METTL22: variants seen among roughly 807,000 people sequenced by gnomAD.
METTL22 encodes methyltransferase-like protein 22.
Under a neutral mutation model 48.4 loss-of-function variants are expected in METTL22, and 51 were observed. The observed-to-expected ratio is 1.05, with a 90% CI of 0.84 to 1.33. The LOEUF is 1.33. METTL22 is among the 40% of genes most tolerant of loss of function. METTL22 has a pLI of 0.00. For synonymous variants in METTL22, 255 were observed against 214.1 expected (o/e 1.19, Z -1.67); for missense variants, 678 against 526.9 (o/e 1.29, Z -2.81).
chr16:8,661,631 C>G, the METTL22 span, among the ~76,000 whole-genome samples: 1 of 88,302 alleles, frequency 1.1e-5, no homozygotes, highest in African/African-American at 4.9e-5. Context: ...GGCGACACAG[C>G]GAGACTCCGT....
rs1237333161 is a variant in METTL22, at chr16:8,646,433, C to T, written c.*290C>T. The T allele has an allele frequency of 1.5e-6, 1 of 650,638 alleles. No individual in the cohort carries two copies. 40.3% of individuals were successfully genotyped at this position (650,638 alleles called of 1,614,324 possible). ...CGTTCCTTCTCAGCTCAGTTCCACC[C>T]ACGTCAGTCATTTCAGCTGTGTGCT... On this transcript the variant is annotated 3_prime_UTR_variant, in exon 11 of 11. Transcript: ENST00000381920.
chr16:8,656,316 C>T, the METTL22 span, among the ~76,000 whole-genome samples: 1 of 152,140 alleles, frequency 6.6e-6, no homozygotes. Context: ...GATGCCACTT[C>T]CAGGGATTAG....
the METTL22 span, among the ~76,000 whole-genome samples, chr16:8,663,146 C>T: frequency 2.1e-5 from 3 of 140,664 alleles, no homozygotes; most frequent in African/African-American, 5.3e-5. Context: ...GCAGAGGTTA[C>T]AGTGAGCCAA....
At position 8,644,681 on chromosome 16, in the gene METTL22, G is replaced by T; in HGVS notation, c.1135G>T (p.Ala379Ser). Residue 379 changes from alanine to serine, a missense_variant, in exon 10 of 11, where the codon GCC (alanine) becomes TCC (serine). By Grantham distance (99) the Ala-to-Ser change is moderately conservative. Transcript: ENST00000381920. ...GCGCTTCGTGGTGGAGCCCGTGGAG[G>T]CCTCCTTCCCACAGCTCCTGGTTTA... Reference protein sequence around the residue: ...KLRFVVEPVEASFPQLLVYER... With the variant: ...KLRFVVEPVESSFPQLLVYER... The T allele has an allele frequency of 6.2e-7, 1 of 1,604,868 alleles. No individual in the cohort carries two copies. Among genetic ancestry groups the T allele is most frequent in the South Asian group, 1.1e-5 (1 of 89,466 alleles).
At chr16:8,622,978 G>C (rs2055905783) in intron 1 of METTL22, among the ~76,000 whole-genome samples, 1 of 152,150 alleles carries the variant, frequency 6.6e-6, no homozygotes, top group Non-Finnish European at 1.5e-5. Context: ...TTTGGAAAAA[G>C]CAAAGAACAT....
At chr16:8,655,665 A>C in the METTL22 span, among the ~76,000 whole-genome samples, 1 of 152,222 alleles carries the variant, frequency 6.6e-6, no homozygotes, top group Non-Finnish European at 1.5e-5. Flanking sequence ...AGAGAGATGC[A>C]AAGGACACAT....
the METTL22 span, among the ~76,000 whole-genome samples, chr16:8,663,064 C>G: frequency 6.6e-6 from 1 of 150,638 alleles, no homozygotes. Context: ...AAAAATTAGC[C>G]GGGCATGATG....
chr16:8,637,176 C>T (rs976742978), intron 5 of METTL22, among the ~76,000 whole-genome samples: 1 of 152,164 alleles, frequency 6.6e-6, no homozygotes, highest in Non-Finnish European at 1.5e-5. Context: ...TCCTAGTGAA[C>T]GTTACCTGGC....
Position 8,637,407 on chromosome 16 carries a change from A to G in METTL22, c.701-1684A>G, listed in dbSNP as rs754443261. 4.0e-5 allele frequency among the ~76,000 whole-genome samples: 6 copies of G among 151,742 alleles called. No individual in the cohort carries two copies. The South Asian group carries it at 6.2e-4, about 16-fold the overall frequency. On this transcript the variant is annotated intron_variant, in intron 5 of 10. Transcript: ENST00000381920. ...CCTGGTGCCTAATAGCAGACTATAA[A>G]GAAGTCTTATCCCTGAGAGAGATTT...
In METTL22 at chr16:8,634,996, C is replaced by G. The variant is rs774717086; in HGVS notation, c.515-43C>G. 16 of 1,612,234 alleles carry G rather than the reference C, an allele frequency of 9.9e-6. No individual in the cohort carries two copies. In the East Asian group the frequency reaches 2.0e-4, roughly 20 times the overall value. ...CTGTCTTGTGGTTTTCTGTCCATCC[C>G]CATTTCACAGTGGGCATTTCTCTTG... On this transcript the variant is annotated intron_variant, in intron 3 of 10. Transcript: ENST00000381920.
downstream of METTL22, among the ~76,000 whole-genome samples, chr16:8,654,616 A>G (rs1641094): frequency 1 from 151,868 of 152,350 alleles, 75,696 homozygotes; most frequent in Middle Eastern, 1. Flanking sequence ...AAACAGATAG[A>G]TCAAGCCAAG....
chr16:8,651,938 G>A (rs909882332), downstream of METTL22, among the ~76,000 whole-genome samples: 7 of 152,128 alleles, frequency 4.6e-5, no homozygotes, highest in African/African-American at 1.7e-4. Context: ...TAGATGACGG[G>A]TTGATAGGTG....
the METTL22 span, among the ~76,000 whole-genome samples, chr16:8,660,362 G>C: frequency 2.0e-5 from 3 of 151,258 alleles, no homozygotes; most frequent in African/African-American, 7.3e-5. Flanking sequence ...TTTTTTAGTA[G>C]AGATGGGGGT....
rs1483911483 is a variant in METTL22, at chr16:8,629,239, G to T, written c.514+129G>T. On this transcript the variant is annotated intron_variant, in intron 3 of 10. Transcript: ENST00000381920. ...GCACAGGTTATGAGAACCAGCTCGG[G>T]TGAGACTGGGGAAGCTCTCCACAAC... 6 of 1,232,626 alleles carry T rather than the reference G, an allele frequency of 4.9e-6. No individual in the cohort carries two copies. The African/African-American group carries it at 7.5e-5, about 15-fold the overall frequency. The allele number at this position is 1,232,626 out of a possible 1,614,324, so 76.4% of individuals were successfully genotyped here.
the METTL22 span, among the ~76,000 whole-genome samples, chr16:8,658,868 C>T: frequency 6.6e-6 from 1 of 152,110 alleles, no homozygotes; most frequent in Non-Finnish European, 1.5e-5. Flanking sequence ...CTTCCCAGCC[C>T]CATCTCATCC....
Position 8,625,700 on chromosome 16 carries a change from A to T in METTL22, c.35A>T (p.Glu12Val), listed in dbSNP as rs1327346472. Reference sequence around the variant, plus strand: ...CTGGCTCCTGCGGCAGCCATGGACGAGGTCACCTTTAGGAGCGACACTGTG... The same window carrying T: ...CTGGCTCCTGCGGCAGCCATGGACGTGGTCACCTTTAGGAGCGACACTGTG... ...VQLAPAAAMD[E>V]VTFRSDTVLS... Residue 12 changes from glutamate to valine, a missense_variant, in exon 2 of 11, where the codon GAG becomes GTG. By Grantham distance (121) the Glu-to-Val change is moderately radical. Transcript: ENST00000381920. The T allele has an allele frequency of 1.2e-6, 2 of 1,614,194 alleles. No individual in the cohort carries two copies. The highest frequency in any genetic ancestry group is 1.3e-5 in the African/African-American group (1 of 75,050).
chr16:8,646,523 A>C lies in METTL22; in HGVS notation c.*380A>C. 2 of 502,254 alleles carry C rather than the reference A, an allele frequency of 4.0e-6. No individual in the cohort carries two copies. Among genetic ancestry groups the C allele is most frequent in the South Asian group, 3.1e-5 (2 of 64,918 alleles). 31.1% of individuals were successfully genotyped at this position (502,254 alleles called of 1,614,324 possible). On this transcript the variant is annotated 3_prime_UTR_variant, in exon 11 of 11. Transcript: ENST00000381920. Reference sequence around the variant, plus strand: ...GTACTGCCCTCTGTCAGCTGTTTACAGATGGGTTGACTACCACTGCCAGTA... The same window carrying C: ...GTACTGCCCTCTGTCAGCTGTTTACCGATGGGTTGACTACCACTGCCAGTA...
intron 5 of METTL22, among the ~76,000 whole-genome samples, chr16:8,636,651 T>C (rs2056433411): frequency 2.7e-4 from 1 of 3,736 alleles, no homozygotes; most frequent in African/African-American, 2.9e-4. Flanking sequence ...TTTTGGTTTT[T>C]GTTTTTTTTT....
chr16:8,627,158 A>G (rs1051408486), intron 2 of METTL22, among the ~76,000 whole-genome samples: 1 of 152,084 alleles, frequency 6.6e-6, no homozygotes, highest in Non-Finnish European at 1.5e-5. Flanking sequence ...GCAGCAGCCA[A>G]GGACGTCTTT....
Sources: gnomAD v4.1 joint callset for allele counts (sites outside exome capture counted in the v4.1 genomes callset) on GRCh38, gnomAD v4.1.1 for gene constraint, MANE v1.5 for transcripts, NCBI Gene and HGNC (gene_info 2026-07-23, HGNC 2026-07-21) for gene names.